Variants in UBR1 observed in about 807,000 individuals in gnomAD.
The protein encoded by UBR1 is ubiquitin protein ligase E3 component n-recognin 1.
In UBR1, 102 loss-of-function variants were observed where a neutral mutation model predicts 242.1. The observed-to-expected ratio is 0.42, with a 90% confidence interval of 0.36 to 0.50. The LOEUF is 0.50. Among genes scored for constraint, UBR1 ranks in the 20% least tolerant of loss-of-function variants. UBR1 has a pLI of 0.01. For missense variants in UBR1, 1,772 were observed against 2,101.8 expected, an observed-to-expected ratio of 0.84 and a Z score of 3.07; for synonymous variants, 675 against 684.8, an observed-to-expected ratio of 0.99 and a Z score of 0.22.
At chr15:43,012,291 C>T (rs1456940959) in intron 29 of UBR1, among the ~76,000 whole-genome samples, 4 of 150,806 alleles carry the variant, frequency 2.7e-5, no homozygotes, top group African/African-American at 9.7e-5. Context: ...ATTCCTAAGA[C>T]ACTGAAATAG....
At chr15:43,084,926 G>T (rs1254541089) in intron 2 of UBR1, among the ~76,000 whole-genome samples, 1 of 152,124 alleles carries the variant, frequency 6.6e-6, no homozygotes, top group South Asian at 2.1e-4. Context: ...GCTCTAAGAA[G>T]GAAAACTAAA....
intron 38 of UBR1, 31 bp downstream of exon 38, chr15:42,977,849 A>C: frequency 6.5e-7 from 1 of 1,540,610 alleles, no homozygotes; most frequent in South Asian, 1.1e-5. Flanking sequence ...TATCAACATG[A>C]GTGACTTAAA....
intron 4 of UBR1, among the ~76,000 whole-genome samples, chr15:43,073,665 C>T (rs1199447503): frequency 2.6e-5 from 4 of 152,138 alleles, no homozygotes; most frequent in African/African-American, 7.2e-5. Context: ...TAGGAACTCA[C>T]GGATTTTTAT....
At chr15:43,054,434 T>A (rs897429608) in intron 12 of UBR1, among the ~76,000 whole-genome samples, 7 of 151,482 alleles carry the variant, frequency 4.6e-5, no homozygotes, top group Non-Finnish European at 1.0e-4. Flanking sequence ...AGAACCAAAG[T>A]GTGTGAGTGG....
At chr15:43,047,111 A>T (rs1201974447) in intron 14 of UBR1, 50 bp downstream of exon 14, 1 of 1,606,152 alleles carries the variant, frequency 6.2e-7, no homozygotes, top group African/African-American at 1.3e-5. Context: ...ACTATTAATA[A>T]TTACTAAGAA....
intron 40 of UBR1, among the ~76,000 whole-genome samples, chr15:42,969,248 T>C (rs1165954238): frequency 6.6e-6 from 1 of 152,214 alleles, no homozygotes; most frequent in Non-Finnish European, 1.5e-5. Flanking sequence ...TGCTTTTGAG[T>C]TGCATTTCTC....
chr15:43,032,478 A>G, intron 20 of UBR1, 90 bp downstream of exon 20: 1 of 869,424 alleles, frequency 1.2e-6, no homozygotes, highest in Non-Finnish European at 1.8e-6. Flanking sequence ...TATACGAATA[A>G]GGAGTAAAAT....
intron 44 of UBR1, among the ~76,000 whole-genome samples, chr15:42,953,662 G>A (rs995426064): frequency 2.6e-5 from 4 of 152,090 alleles, no homozygotes; most frequent in African/African-American, 9.7e-5. Flanking sequence ...AAGCTGGGAG[G>A]GAGCCTAAAG....
intron 3 of UBR1, among the ~76,000 whole-genome samples, chr15:43,077,331 C>T (rs893966699): frequency 6.6e-6 from 1 of 151,830 alleles, no homozygotes; most frequent in Admixed American, 6.6e-5. Context: ...GCCTTGGGAT[C>T]CTGTTGATCT....
At chr15:42,988,110 G>A (rs545495921) in intron 35 of UBR1, among the ~76,000 whole-genome samples, 7 of 152,050 alleles carry the variant, frequency 4.6e-5, no homozygotes, top group South Asian at 4.1e-4. Flanking sequence ...TCCCCTTTCC[G>A]TTAATTTTTA....
chr15:43,010,235 G>A (rs150765149), intron 29 of UBR1, among the ~76,000 whole-genome samples: 154 of 151,714 alleles, frequency 1.0e-3, no homozygotes, highest in African/African-American at 3.5e-3. Flanking sequence ...GAGGCATCTA[G>A]CAATAAATTA....
At chr15:42,988,249 T>C (rs1285745257) in intron 35 of UBR1, among the ~76,000 whole-genome samples, 1 of 150,932 alleles carries the variant, frequency 6.6e-6, no homozygotes, top group Admixed American at 6.7e-5. Flanking sequence ...GTTCCTTTAA[T>C]ATAGATACTA....
At chr15:43,002,980 C>G (rs1363529125) in intron 31 of UBR1, among the ~76,000 whole-genome samples, 5 of 152,176 alleles carry the variant, frequency 3.3e-5, no homozygotes, top group African/African-American at 1.2e-4. Context: ...CATGGTGATA[C>G]AGCATGGACA....
At chr15:43,082,013 TTA>T (rs2033980414) in intron 3 of UBR1, among the ~76,000 whole-genome samples, 1 of 152,088 alleles carries the variant, frequency 6.6e-6, no homozygotes, top group African/African-American at 2.4e-5. Context: ...ATGTATAATT[TTA>T]TATATTTTGC....
rs748874977 is a variant in UBR1 at position 43,003,803 on chromosome 15, T to A, written c.3509+34A>T. On this transcript the variant is annotated intron_variant, in intron 31 of 46. Transcript: ENST00000290650. Reference sequence around the variant, plus strand: ...CTTGAGTGAACTTCAATGTTCCTAGTCTCTTTCAAGAACATGTCAGAAGGA... The same window carrying A: ...CTTGAGTGAACTTCAATGTTCCTAGACTCTTTCAAGAACATGTCAGAAGGA... The A allele has an allele frequency of 2.5e-6, 4 of 1,601,178 alleles. No homozygotes were observed. The South Asian group carries it at 4.4e-5, about 18-fold the overall frequency.
At chr15:43,016,758 C>A (rs1784039136) in intron 28 of UBR1, among the ~76,000 whole-genome samples, 1 of 152,112 alleles carries the variant, frequency 6.6e-6, no homozygotes, top group South Asian at 2.1e-4. Context: ...TGTATTTTTA[C>A]TAGAGACGTG....
chr15:42,990,175 T>C (rs2032533284), intron 33 of UBR1, 55 bp from the exon 34 acceptor site: 1 of 1,205,508 alleles, frequency 8.3e-7, no homozygotes, highest in Admixed American at 2.0e-5. Flanking sequence ...TAGTCTGACA[T>C]ACAGTTTTCT....
intron 23 of UBR1, chr15:43,025,791 A>C (rs1746231505): frequency 4.6e-6 from 1 of 216,090 alleles, no homozygotes; most frequent in African/African-American, 2.3e-5. Context: ...ATGGGACAAA[A>C]AGACGTATGT....
intron 22 of UBR1, 56 bp downstream of exon 22, chr15:43,027,720 T>C (rs1160983274): frequency 1.3e-6 from 2 of 1,523,898 alleles, no homozygotes; most frequent in Non-Finnish European, 1.8e-6. Context: ...GTATCCAAAG[T>C]ACAAGAACAA....
Sources: allele counts gnomAD v4.1 joint callset (sites outside exome capture counted in the v4.1 genomes callset), GRCh38; gene constraint gnomAD v4.1.1; transcripts MANE v1.5; gene names NCBI Gene and HGNC (gene_info 2026-07-23, HGNC 2026-07-21).